LRRTM4: variants seen among roughly 807,000 people sequenced by gnomAD.
LRRTM4 encodes leucine rich repeat transmembrane neuronal 4.
Under a neutral mutation model 47.6 loss-of-function variants are expected in LRRTM4, and 25 were observed. The observed-to-expected ratio is 0.53, with a 90% CI of 0.38 to 0.73. The LOEUF is 0.73. Among genes scored for constraint, LRRTM4 ranks in the 30% least tolerant of loss-of-function variants. The pLI, the probability that LRRTM4 is intolerant of heterozygous loss-of-function variation, is 0.00. For missense variants in LRRTM4, 638 were observed against 713.4 expected (o/e 0.89, Z 1.20); for synonymous variants, 311 against 269.5 (o/e 1.15, Z -1.51).
intron 3 of LRRTM4, among the ~76,000 whole-genome samples, chr2:77,180,388 T>C (rs1673315523): frequency 6.6e-6 from 1 of 152,148 alleles, no homozygotes; most frequent in Non-Finnish European, 1.5e-5. Context: ...ATATTTTGTA[T>C]ACTTTAAAGA....
At chr2:76,976,005 T>G (rs1190505853) in intron 3 of LRRTM4, among the ~76,000 whole-genome samples, 3 of 151,836 alleles carry the variant, frequency 2.0e-5, no homozygotes, top group Non-Finnish European at 4.4e-5. Flanking sequence ...CTTCTAATTC[T>G]TTGGGGAAAT....
chr2:77,226,662 A>G (rs1340016947), intron 3 of LRRTM4, among the ~76,000 whole-genome samples: 3 of 151,852 alleles, frequency 2.0e-5, no homozygotes, highest in Non-Finnish European at 2.9e-5. Context: ...AGTAAAATGT[A>G]TTTGTTGAGC....
chr2:76,883,133 A>G (rs760960873), intron 3 of LRRTM4, among the ~76,000 whole-genome samples: 2 of 152,024 alleles, frequency 1.3e-5, no homozygotes, highest in Admixed American at 6.6e-5. Flanking sequence ...TCTGTGCTTC[A>G]ATATGTGAAA....
At chr2:77,468,434 T>C (rs1387493721) in intron 3 of LRRTM4, among the ~76,000 whole-genome samples, 2 of 152,232 alleles carry the variant, frequency 1.3e-5, no homozygotes, top group South Asian at 2.1e-4. Flanking sequence ...CATTGTGTTA[T>C]AGCATGCTAT....
intron 3 of LRRTM4, among the ~76,000 whole-genome samples, chr2:77,071,606 C>A (rs1022671537): frequency 6.6e-6 from 1 of 152,030 alleles, no homozygotes; most frequent in African/African-American, 2.4e-5. Context: ...GAGATTTATT[C>A]CTGTAACATT....
intron 3 of LRRTM4, among the ~76,000 whole-genome samples, chr2:77,355,942 A>C (rs927868970): frequency 6.6e-6 from 1 of 152,156 alleles, no homozygotes; most frequent in Non-Finnish European, 1.5e-5. Flanking sequence ...ACTACAAAAA[A>C]ATTAGCTGGG....
At chr2:76,776,036 C>T (rs1187784156) in intron 3 of LRRTM4, among the ~76,000 whole-genome samples, 1 of 152,054 alleles carries the variant, frequency 6.6e-6, no homozygotes, top group Non-Finnish European at 1.5e-5. Flanking sequence ...CAGTAGTTTA[C>T]TGAGAATGAT....
intron 3 of LRRTM4, among the ~76,000 whole-genome samples, chr2:76,763,597 C>T (rs1558637365): frequency 1.3e-5 from 2 of 152,130 alleles, no homozygotes; most frequent in South Asian, 2.1e-4. Context: ...TGAGTTAGGA[C>T]GATCCAAACA....
chr2:76,951,118 G>T (rs1675479174), intron 3 of LRRTM4, among the ~76,000 whole-genome samples: 1 of 151,876 alleles, frequency 6.6e-6, no homozygotes, highest in Non-Finnish European at 1.5e-5. Context: ...TGATAGATTG[G>T]CTGCTCTGAA....
chr2:76,977,059 A>G (rs1174692047), intron 3 of LRRTM4, among the ~76,000 whole-genome samples: 1 of 151,630 alleles, frequency 6.6e-6, no homozygotes, highest in Non-Finnish European at 1.5e-5. Flanking sequence ...GTATGTGTAC[A>G]TAGATTTTTC....
chr2:76,891,051 G>A (rs1408949996), intron 3 of LRRTM4, among the ~76,000 whole-genome samples: 1 of 151,786 alleles, frequency 6.6e-6, no homozygotes, highest in Non-Finnish European at 1.5e-5. Flanking sequence ...AATGAAAATA[G>A]TCAGTTTAAG....
intron 3 of LRRTM4, among the ~76,000 whole-genome samples, chr2:77,473,053 G>C (rs1677251602): frequency 6.6e-6 from 1 of 152,088 alleles, no homozygotes; most frequent in Non-Finnish European, 1.5e-5. Context: ...AGAGTAGATT[G>C]AAGATCAAGG....
At chr2:76,819,046 T>C (rs1017013787) in intron 3 of LRRTM4, among the ~76,000 whole-genome samples, 29 of 151,772 alleles carry the variant, frequency 1.9e-4, no homozygotes, top group African/African-American at 2.4e-5. Context: ...AATAAGAATA[T>C]TGCAGCAAGT....
chr2:76,921,733 T>C (rs1021811919), intron 3 of LRRTM4, among the ~76,000 whole-genome samples: 4 of 152,130 alleles, frequency 2.6e-5, no homozygotes, highest in African/African-American at 9.7e-5. Flanking sequence ...CCTTTAATAT[T>C]TCCCCATTGT....
intron 3 of LRRTM4, among the ~76,000 whole-genome samples, chr2:77,129,791 C>G (rs904597458): frequency 3.9e-5 from 6 of 152,046 alleles, no homozygotes; most frequent in Admixed American, 3.9e-4. Context: ...ATCTGTTTCC[C>G]TAAATTTGTC....
intron 3 of LRRTM4, among the ~76,000 whole-genome samples, chr2:76,867,064 TA>T (rs1158468047): frequency 6.6e-6 from 1 of 151,576 alleles, no homozygotes; most frequent in Non-Finnish European, 1.5e-5. Flanking sequence ...CAACGTCTGT[TA>T]GGGGGTGGTG....
chr2:76,936,387 T>C (rs1210619391), intron 3 of LRRTM4, among the ~76,000 whole-genome samples: 1 of 147,070 alleles, frequency 6.8e-6, no homozygotes, highest in Non-Finnish European at 1.5e-5. Flanking sequence ...AGTTGAGCAA[T>C]GAGAACACAT....
At chr2:76,766,301 A>T (rs1177805566) in intron 3 of LRRTM4, among the ~76,000 whole-genome samples, 1 of 152,222 alleles carries the variant, frequency 6.6e-6, no homozygotes, top group Non-Finnish European at 1.5e-5. Flanking sequence ...AACTGGAGCC[A>T]TTTATATATA....
intron 3 of LRRTM4, among the ~76,000 whole-genome samples, chr2:77,476,841 A>G (rs1214412499): frequency 2.6e-5 from 4 of 152,068 alleles, no homozygotes. Context: ...TTTTTTAAGG[A>G]GTTAAGTTAA....
Sources: allele counts gnomAD v4.1 joint callset (sites outside exome capture counted in the v4.1 genomes callset), GRCh38; gene constraint gnomAD v4.1.1; transcripts MANE v1.5; gene names NCBI Gene and HGNC (gene_info 2026-07-23, HGNC 2026-07-21).